INSL6: variants seen among roughly 807,000 people sequenced by gnomAD.
INSL6 encodes the protein insulin like 6, also known as insulin-like peptide INSL6.
A neutral mutation model predicts 9.4 loss-of-function variants in INSL6; 16 were observed. That is an observed-to-expected ratio of 1.70 (90% CI 1.15 to 2.59). INSL6 has a LOEUF of 2.59. Among genes scored for constraint, INSL6 ranks in the 30% most tolerant of loss-of-function variants. The pLI, the probability that INSL6 is intolerant of heterozygous loss-of-function variation, is 0.00. For missense variants in INSL6, 391 were observed against 257.3 expected (o/e 1.52, Z -3.56); for synonymous variants, 154 against 96.9 (o/e 1.59, Z -3.46).
In INSL6 at chr9:5,164,049, C is replaced by G. The variant is rs1564049386; in HGVS notation, c.506G>C (p.Arg169Thr). The G allele has an allele frequency of 6.2e-7, 1 of 1,613,594 alleles. No individual in the cohort carries two copies. The highest frequency in any genetic ancestry group is 1.3e-5 in the African/African-American group (1 of 74,904). The change falls in exon 2 of 2, where the codon AGA becomes ACA. Residue 169 changes from arginine (R) to threonine (T), a missense_variant. By Grantham distance (71) the Arg-to-Thr change is moderately conservative (BLOSUM62 -1). Coordinates refer to ENST00000381641, the MANE Select transcript of INSL6 (RefSeq NM_007179.3). ...CTTTTCTGAATATCCTCTGCGTTTT[C>G]TTTGGGGATGATGCCCCCAAAACAA... Reference protein sequence around the residue: ...SNLFWGHHPQRKRRGYSEKCC... With the variant: ...SNLFWGHHPQTKRRGYSEKCC...
chr9:5,164,001 T>C lies in INSL6; in HGVS notation c.554A>G (p.Lys185Arg), dbSNP rs773353870. ...AAGACATGCAATGCTAAGTTCTTCT[T>C]TTGTACATCCTGTAAGACAACACTT... ...SEKCCLTGCT[K>R]EELSIACLPY... The change falls in exon 2 of 2, where the codon AAA (lysine) becomes AGA (arginine). Residue 185 changes from lysine to arginine, a missense_variant. By Grantham distance (26) the Lys-to-Arg change is conservative. Transcript: ENST00000381641. 1.9e-5 allele frequency: 31 copies of C among 1,613,200 alleles called. No homozygotes were observed. The South Asian group carries it at 3.4e-4, about 18-fold the overall frequency.
chr9:5,054,887 A>T, the INSL6 span: 2 of 1,560,886 alleles, frequency 1.3e-6, no homozygotes, highest in Non-Finnish European at 1.7e-6. The surrounding 1 kb of genome is among the most constrained non-coding windows in gnomAD (Gnocchi z 4.9). Flanking sequence ...CAGAACAGGT[A>T]ATCCTTAATG....
intron 1 of INSL6, among the ~76,000 whole-genome samples, chr9:5,177,480 G>C (rs950206619): frequency 2.6e-5 from 4 of 152,214 alleles, no homozygotes; most frequent in African/African-American, 9.7e-5. Context: ...GCTGTGTGGA[G>C]TCTCAGCAGA....
the INSL6 span, among the ~76,000 whole-genome samples, chr9:5,007,226 C>G: frequency 1.3e-5 from 2 of 152,068 alleles, no homozygotes; most frequent in African/African-American, 4.8e-5. Flanking sequence ...TTCTTCTCGT[C>G]TTGTGTATGA....
At chr9:5,133,173 T>C (rs1824324147) in intron 3 of INSL6, among the ~76,000 whole-genome samples, 1 of 152,086 alleles carries the variant, frequency 6.6e-6, no homozygotes, top group East Asian at 1.9e-4. Flanking sequence ...AGTGTCATGG[T>C]AGAGGAAATT....
At chr9:5,134,567 T>G (rs12337480) in intron 2 of INSL6, among the ~76,000 whole-genome samples, 6 of 151,958 alleles carry the variant, frequency 3.9e-5, no homozygotes, top group Non-Finnish European at 7.4e-5. Context: ...TTCAACCCAG[T>G]ATCTCATATC....
At chr9:5,001,962 A>C in the INSL6 span, among the ~76,000 whole-genome samples, 1 of 151,978 alleles carries the variant, frequency 6.6e-6, no homozygotes, top group South Asian at 2.1e-4. Flanking sequence ...CATTGGCATG[A>C]AGTTGCTCCT....
chr9:5,068,929 G>A, the INSL6 span: 60 of 711,964 alleles, frequency 8.4e-5, no homozygotes, highest in Non-Finnish European at 1.2e-4. Flanking sequence ...TGTTTATTCT[G>A]TTGCTTGTTC....
chr9:5,110,220 G>A, the INSL6 span: 1 of 152,194 alleles, frequency 6.6e-6, no homozygotes, highest in African/African-American at 2.4e-5. Context: ...CAGCACTATA[G>A]TTGTAGCAGG....
At chr9:5,078,429 G>A in the INSL6 span, 1 of 1,612,678 alleles carries the variant, frequency 6.2e-7, no homozygotes, top group South Asian at 1.1e-5. Context: ...TAGTATTACA[G>A]TTTTGCCAAA....
At chr9:5,172,611 C>T (rs2130913392) in intron 1 of INSL6, among the ~76,000 whole-genome samples, 1 of 152,144 alleles carries the variant, frequency 6.6e-6, no homozygotes, top group African/African-American at 2.4e-5. Context: ...AACAAATTTA[C>T]AAGAAAAAAC....
chr9:5,054,875 G>A, the INSL6 span: 8 of 1,591,330 alleles, frequency 5.0e-6, no homozygotes, highest in Non-Finnish European at 6.9e-6. The surrounding 1 kb of genome is among the most constrained non-coding windows in gnomAD (Gnocchi z 4.9). Flanking sequence ...GTGAGACACT[G>A]ACAGAACAGG....
chr9:5,053,116 A>G, the INSL6 span, among the ~76,000 whole-genome samples: 1 of 152,110 alleles, frequency 6.6e-6, no homozygotes, highest in Non-Finnish European at 1.5e-5. Context: ...CTAGCAGTAC[A>G]TGAAGAGTTC....
the INSL6 span, among the ~76,000 whole-genome samples, chr9:5,058,020 A>G: frequency 2.5e-4 from 38 of 152,258 alleles, no homozygotes; most frequent in South Asian, 2.3e-3. Context: ...GCATGTATCA[A>G]TTTCCTTCAT....
chr9:5,102,990 C>T, the INSL6 span, among the ~76,000 whole-genome samples: 469 of 151,984 alleles, frequency 3.1e-3, no homozygotes, highest in African/African-American at 0.01. Context: ...CATCAACTAA[C>T]GGGCAAAATA....
chr9:5,162,204 T>C (rs1824941573), downstream of INSL6, among the ~76,000 whole-genome samples: 1 of 152,214 alleles, frequency 6.6e-6, no homozygotes, highest in Non-Finnish European at 1.5e-5. Flanking sequence ...AATATGTTGC[T>C]TAATATCAAG....
chr9:5,133,810 C>T (rs549760210), intron 2 of INSL6, among the ~76,000 whole-genome samples: 74 of 152,002 alleles, frequency 4.9e-4, no homozygotes, highest in African/African-American at 1.5e-3. Flanking sequence ...CACAACTCCT[C>T]GCTAGCAAGG....
At chr9:5,050,000 C>CAA in the INSL6 span, among the ~76,000 whole-genome samples, 1 of 152,106 alleles carries the variant, frequency 6.6e-6, no homozygotes, top group Non-Finnish European at 1.5e-5. Context: ...TGCCATTGAC[C>CAA]AAAACATTGT....
At chr9:5,083,215 A>T in the INSL6 span, among the ~76,000 whole-genome samples, 1 of 152,102 alleles carries the variant, frequency 6.6e-6, no homozygotes, top group Non-Finnish European at 1.5e-5. Flanking sequence ...AATTAATCTT[A>T]TTGCTTAGGG....
Sources: allele counts gnomAD v4.1 joint callset (sites outside exome capture counted in the v4.1 genomes callset), GRCh38; gene constraint gnomAD v4.1.1; non-coding constraint Gnocchi (gnomAD v3.1); transcripts MANE v1.5; gene names NCBI Gene and HGNC (gene_info 2026-07-23, HGNC 2026-07-21).